Variants in TENM2 observed in about 807,000 individuals in gnomAD.
TENM2 encodes the protein teneurin transmembrane protein 2, also known as teneurin-2.
Under a neutral mutation model 245.2 loss-of-function variants are expected in TENM2, and 52 were observed. The observed-to-expected ratio is 0.21, with a 90% CI of 0.17 to 0.27. TENM2 has a LOEUF of 0.27. Ranked by LOEUF, TENM2 falls within the 10% of genes least tolerant of loss-of-function variation. The pLI, the probability that TENM2 is intolerant of heterozygous loss-of-function variation, is 1.00. For synonymous variants in TENM2, 1,363 were observed against 1,438.9 expected (o/e 0.95, Z 1.19); for missense variants, 3,046 against 3,666.8 (o/e 0.83, Z 4.37).
intron 2 of TENM2, among the ~76,000 whole-genome samples, chr5:167,759,437 G>GT (rs1036712938): frequency 3.3e-5 from 5 of 152,062 alleles, no homozygotes; most frequent in African/African-American, 1.2e-4. Flanking sequence ...CTCTGATTTT[G>GT]TAAGTGGAAA....
At chr5:167,256,721 G>A in the TENM2 span, among the ~76,000 whole-genome samples, 14 of 152,078 alleles carry the variant, frequency 9.2e-5, no homozygotes, top group Non-Finnish European at 1.8e-4. Flanking sequence ...AAGTAGGGAA[G>A]CCAGAAAGAG....
chr5:167,405,135 C>G (rs1209076427), intron 2 of TENM2, among the ~76,000 whole-genome samples: 3 of 152,128 alleles, frequency 2.0e-5, no homozygotes, highest in Admixed American at 1.3e-4. Flanking sequence ...TTTTTGTTGA[C>G]AAATAATATT....
chr5:168,124,012 T>C (rs1795667927), intron 10 of TENM2, among the ~76,000 whole-genome samples: 1 of 152,096 alleles, frequency 6.6e-6, no homozygotes, highest in African/African-American at 2.4e-5. Flanking sequence ...TCACTCTGAG[T>C]TTATTCAAGT....
chr5:167,011,816 G>T, the TENM2 span, among the ~76,000 whole-genome samples: 114 of 152,314 alleles, frequency 7.5e-4, 1 homozygote, highest in Non-Finnish European at 2.4e-4. Context: ...AATGTTAGTA[G>T]TATAGATTTA....
intron 13 of TENM2, among the ~76,000 whole-genome samples, chr5:168,180,727 C>G (rs1759795291): frequency 6.6e-6 from 1 of 151,844 alleles, no homozygotes; most frequent in Non-Finnish European, 1.5e-5. Flanking sequence ...GAAACCCTGT[C>G]TCTACTAAAA....
At chr5:167,197,841 C>T in the TENM2 span, among the ~76,000 whole-genome samples, 1 of 150,536 alleles carries the variant, frequency 6.6e-6, no homozygotes, top group African/African-American at 2.4e-5. Context: ...ATTTATATGT[C>T]TCATATAAAT....
chr5:167,284,530 T>C (rs984836335), upstream of TENM2, among the ~76,000 whole-genome samples: 8 of 152,350 alleles, frequency 5.3e-5, no homozygotes, highest in South Asian at 1.0e-3. Context: ...GAGTATTTGT[T>C]GTTACTATTT....
chr5:167,641,301 ACGGGGAGTAG>A (rs983698691), intron 2 of TENM2, among the ~76,000 whole-genome samples: 3 of 152,068 alleles, frequency 2.0e-5, no homozygotes, highest in African/African-American at 7.2e-5. Flanking sequence ...CAAATAAACC[ACGGGGAGTAG>A]TTATCTATAA....
intron 2 of TENM2, among the ~76,000 whole-genome samples, chr5:167,452,045 T>G (rs1487915451): frequency 6.6e-6 from 1 of 152,130 alleles, no homozygotes; most frequent in Non-Finnish European, 1.5e-5. Context: ...AAGAACTATA[T>G]CAGAGCATAA....
At chr5:167,157,007 C>A in the TENM2 span, among the ~76,000 whole-genome samples, 1 of 152,044 alleles carries the variant, frequency 6.6e-6, no homozygotes, top group Admixed American at 6.5e-5. Context: ...TTTTTATGAA[C>A]CAAGCATTCG....
At chr5:167,656,125 CTCTT>C (rs1229122668) in intron 2 of TENM2, among the ~76,000 whole-genome samples, 5 of 152,112 alleles carry the variant, frequency 3.3e-5, no homozygotes, top group African/African-American at 1.2e-4. Context: ...AACTTTGAGA[CTCTT>C]TAAATAAATG....
intron 3 of TENM2, among the ~76,000 whole-genome samples, chr5:167,908,769 G>A (rs993873731): frequency 1.3e-5 from 2 of 150,930 alleles, no homozygotes; most frequent in Admixed American, 1.3e-4. Context: ...ATGCCCTGAG[G>A]AAAGAGAAAA....
rs747615988 is a variant in TENM2 at position 168,162,763 on chromosome 5, C to T, written c.2569+6C>T. On this transcript the variant is annotated splice_donor_region_variant and intron_variant, in intron 13 of 28. Transcript: ENST00000518659. ...TAACAAGGATAATGAGGGAGGTGAG[C>T]ACGCGTCTTCTCATTCCCAGCCCCT... 1 of 1,613,524 alleles carries T rather than the reference C, an allele frequency of 6.2e-7. No individual in the cohort carries two copies. Among genetic ancestry groups the T allele is most frequent in the African/African-American group, 1.3e-5 (1 of 75,040 alleles).
chr5:167,304,428 A>G (rs1581702233), intron 1 of TENM2, among the ~76,000 whole-genome samples: 1 of 152,218 alleles, frequency 6.6e-6, no homozygotes, highest in East Asian at 1.9e-4. Flanking sequence ...AAATTGGGTT[A>G]AGACGTTTGG....
At chr5:167,646,965 AC>A (rs1299582047) in intron 2 of TENM2, among the ~76,000 whole-genome samples, 1 of 152,090 alleles carries the variant, frequency 6.6e-6, no homozygotes, top group African/African-American at 2.4e-5. Context: ...GCCATTAAAT[AC>A]CCGGATAGGT....
At chr5:167,378,312 A>G (rs1001467659) in intron 2 of TENM2, among the ~76,000 whole-genome samples, 3 of 151,826 alleles carry the variant, frequency 2.0e-5, no homozygotes, top group Non-Finnish European at 4.4e-5. Context: ...TGTGACAAAA[A>G]TGACCCATTG....
the TENM2 span, among the ~76,000 whole-genome samples, chr5:167,148,029 A>G: frequency 1.3e-5 from 2 of 152,118 alleles, no homozygotes; most frequent in Admixed American, 6.6e-5. Flanking sequence ...TTCCTATAAC[A>G]TGAAGATGAT....
At chr5:167,198,385 G>C in the TENM2 span, among the ~76,000 whole-genome samples, 2 of 152,094 alleles carry the variant, frequency 1.3e-5, no homozygotes, top group Non-Finnish European at 2.9e-5. Context: ...AAAGGAGGGC[G>C]CTAAGCCTTG....
chr5:167,162,025 G>T, the TENM2 span, among the ~76,000 whole-genome samples: 1 of 151,950 alleles, frequency 6.6e-6, no homozygotes, highest in Non-Finnish European at 1.5e-5. Context: ...AATTAGCCGG[G>T]TGTGGTGGCA....
Sources: gnomAD v4.1 joint callset for allele counts (sites outside exome capture counted in the v4.1 genomes callset) on GRCh38, gnomAD v4.1.1 for gene constraint, MANE v1.5 for transcripts, NCBI Gene and HGNC (gene_info 2026-07-23, HGNC 2026-07-21) for gene names.